The following TENM3 variants were observed in gnomAD, a reference collection of about 807,000 sequenced individuals.
TENM3 encodes teneurin-3.
A neutral mutation model predicts 255.1 loss-of-function variants in TENM3; 63 were observed. The observed-to-expected ratio is 0.25, with a 90% CI of 0.20 to 0.30. The LOEUF is 0.30. Among genes scored for constraint, TENM3 ranks in the 10% least tolerant of loss-of-function variants. TENM3 has a pLI of 1.00. For synonymous variants in TENM3, 1,306 were observed against 1,322.3 expected (o/e 0.99, Z 0.27); for missense variants, 2,929 against 3,461.1 (o/e 0.85, Z 3.86).
upstream of TENM3, among the ~76,000 whole-genome samples, chr4:182,239,033 ATGTGTGTG>A (rs10533748): frequency 6.2e-3 from 864 of 140,134 alleles, 5 homozygotes; most frequent in African/African-American, 0.018. Flanking sequence ...AAAAATCTTT[ATGTGTGTG>A]TGTGTGTGTG....
chr4:182,549,606 G>A (rs772382714), intron 3 of TENM3, among the ~76,000 whole-genome samples: 17 of 152,110 alleles, frequency 1.1e-4, no homozygotes, highest in Non-Finnish European at 1.8e-4. Context: ...CGCTTCCAGG[G>A]CCCAGCACTT....
chr4:181,858,868 G>A, the TENM3 span, among the ~76,000 whole-genome samples: 1 of 152,168 alleles, frequency 6.6e-6, no homozygotes, highest in Non-Finnish European at 1.5e-5. Flanking sequence ...GCCTGGCCAA[G>A]GAATGTGAGC....
At chr4:182,688,999 T>TA (rs1756807997) in intron 12 of TENM3, among the ~76,000 whole-genome samples, 1 of 152,202 alleles carries the variant, frequency 6.6e-6, no homozygotes, top group Non-Finnish European at 1.5e-5. Flanking sequence ...CATTAGTATA[T>TA]AAACAATATT....
the TENM3 span, among the ~76,000 whole-genome samples, chr4:181,600,793 A>G: frequency 6.6e-6 from 1 of 151,500 alleles, no homozygotes; most frequent in Non-Finnish European, 1.5e-5. Flanking sequence ...TGTCATTCTC[A>G]TTAGCACCAT....
the TENM3 span, among the ~76,000 whole-genome samples, chr4:181,849,930 T>TTCTCTCTCTCTC: frequency 1.9e-4 from 16 of 84,104 alleles, no homozygotes; most frequent in South Asian, 6.2e-4. Flanking sequence ...CTCTCTCTCT[T>TTCTCTCTCTCTC]TCTCTCTCTC....
At chr4:181,975,089 T>G in the TENM3 span, 1 of 151,952 alleles carries the variant, frequency 6.6e-6, no homozygotes, top group East Asian at 1.9e-4. Flanking sequence ...CTATCCATGT[T>G]GCCGCAAAGG....
At chr4:182,589,727 C>A (rs974969778) in intron 3 of TENM3, among the ~76,000 whole-genome samples, 7 of 152,104 alleles carry the variant, frequency 4.6e-5, no homozygotes, top group Non-Finnish European at 1.0e-4. Flanking sequence ...AATCCCAGCA[C>A]TTTGGGAGGC....
intron 3 of TENM3, chr4:182,448,903 C>T (rs11721730): frequency 0.88 from 288,804 of 326,476 alleles, 128,727 homozygotes; most frequent in Admixed American, 0.93. Flanking sequence ...AGGGGTTAAG[C>T]GGCGCACCGC....
At chr4:181,517,093 C>T in the TENM3 span, among the ~76,000 whole-genome samples, 4 of 151,874 alleles carry the variant, frequency 2.6e-5, no homozygotes, top group African/African-American at 9.7e-5. Flanking sequence ...TATTCAACAG[C>T]CAAAGAGTGA....
At chr4:182,128,224 T>C in the TENM3 span, among the ~76,000 whole-genome samples, 2 of 152,166 alleles carry the variant, frequency 1.3e-5, no homozygotes, top group African/African-American at 2.4e-5. Context: ...TAATGGATGT[T>C]ATCTTATCCT....
chr4:181,530,411 A>C, the TENM3 span, among the ~76,000 whole-genome samples: 1 of 152,216 alleles, frequency 6.6e-6, no homozygotes, highest in East Asian at 1.9e-4. Flanking sequence ...AGCAAAGTTG[A>C]GTTCTCACTG....
In TENM3 at chr4:182,680,683, A is replaced by G. The variant is rs369956857; in HGVS notation, c.1780A>G (p.Ile594Val). 84 of 1,602,288 alleles carry G rather than the reference A, an allele frequency of 5.2e-5. No individual in the cohort carries two copies. The highest frequency in any genetic ancestry group is 7.1e-5 in the Non-Finnish European group (83 of 1,175,408). The change falls in exon 10 of 28, where the codon ATC (isoleucine) becomes GTC (valine). Residue 594 changes from isoleucine (I) to valine (V), a missense_variant. This residue lies in a region of TENM3 where 1,608 missense variants were observed against 1,884.4 expected (regional missense o/e 0.85). Transcript: ENST00000511685. The stretch of plus-strand genomic sequence containing the variant: ...ACAGTGTGGGGGTCGTGGGATTTGT[A>G]TCATGGGCTCTTGTGCTTGCAACTC... ...DPQCGGRGIC[I>V]MGSCACNSGY...
chr4:182,063,378 C>T, the TENM3 span, among the ~76,000 whole-genome samples: 1 of 152,186 alleles, frequency 6.6e-6, no homozygotes, highest in Non-Finnish European at 1.5e-5. Context: ...AACAGATTTG[C>T]ATACAGTAAT....
At chr4:181,746,755 A>AT in the TENM3 span, among the ~76,000 whole-genome samples, 131 of 142,816 alleles carry the variant, frequency 9.2e-4, no homozygotes, top group South Asian at 4.7e-3. Flanking sequence ...CTAATCAGCT[A>AT]TTTTTTTTTT....
At chr4:182,560,085 T>G (rs965990438) in intron 3 of TENM3, among the ~76,000 whole-genome samples, 27 of 151,814 alleles carry the variant, frequency 1.8e-4, no homozygotes, top group South Asian at 4.2e-4. Flanking sequence ...AAAAGGTTTT[T>G]TTTTTTTTTT....
At chr4:181,632,365 A>T in the TENM3 span, among the ~76,000 whole-genome samples, 4 of 152,194 alleles carry the variant, frequency 2.6e-5, no homozygotes, top group African/African-American at 9.6e-5. Context: ...TTGGGGGATT[A>T]AAATTCCAGA....
chr4:181,645,768 G>T, the TENM3 span, among the ~76,000 whole-genome samples: 1 of 152,154 alleles, frequency 6.6e-6, no homozygotes, highest in Admixed American at 6.5e-5. Context: ...GACTGCCAAG[G>T]TGATACCCAT....
At chr4:181,808,815 C>A in the TENM3 span, among the ~76,000 whole-genome samples, 1 of 152,164 alleles carries the variant, frequency 6.6e-6, no homozygotes, top group African/African-American at 2.4e-5. Context: ...TGGGTACACA[C>A]AAGGAGGTAT....
intron 25 of TENM3, among the ~76,000 whole-genome samples, chr4:182,790,809 T>C (rs747332577): frequency 4.6e-5 from 7 of 152,202 alleles, no homozygotes; most frequent in Non-Finnish European, 8.8e-5. Flanking sequence ...TTAAAATGTA[T>C]AGTAGTGATC....
Sources: allele counts gnomAD v4.1 joint callset (sites outside exome capture counted in the v4.1 genomes callset), GRCh38; gene constraint gnomAD v4.1.1; regional missense constraint gnomAD v4.1.1; transcripts MANE v1.5; gene names NCBI Gene and HGNC (gene_info 2026-07-23, HGNC 2026-07-21).